The following RAB11FIP4 variants were observed in gnomAD, a reference collection of about 807,000 sequenced individuals.
RAB11FIP4 encodes RAB11 family interacting protein 4.
Under a neutral mutation model 74.3 loss-of-function variants are expected in RAB11FIP4, and 23 were observed. The ratio of observed to expected loss-of-function variants is 0.31; its 90% confidence interval spans 0.22 to 0.44. RAB11FIP4 has a LOEUF of 0.44. Ranked by LOEUF, RAB11FIP4 falls within the 20% of genes least tolerant of loss-of-function variation. RAB11FIP4 has a pLI of 1.00. For missense variants in RAB11FIP4, 630 were observed against 863.9 expected, an observed-to-expected ratio of 0.73 and a Z score of 3.39; for synonymous variants, 360 against 359.9, an observed-to-expected ratio of 1.00 and a Z score of 0.00.
intron 3 of RAB11FIP4, among the ~76,000 whole-genome samples, chr17:31,445,578 ATTTTTTTTTTTT>A (rs61393689): frequency 5.1e-3 from 83 of 16,210 alleles, no homozygotes; most frequent in African/African-American, 9.6e-3. Context: ...ATATATATAT[ATTTTTTTTTTTT>A]TTTTTTTTTT....
At chr17:31,415,223 C>T (rs1475055247) in intron 1 of RAB11FIP4, among the ~76,000 whole-genome samples, 2 of 152,236 alleles carry the variant, frequency 1.3e-5, no homozygotes, top group Non-Finnish European at 2.9e-5. Context: ...GGTTGAGTGG[C>T]CCCAGGCACC....
In RAB11FIP4 at chr17:31,517,707, C is replaced by T. The variant is rs1337484629; in HGVS notation, c.393C>T (p.Pro131=). The T allele has an allele frequency of 4.4e-6, 7 of 1,606,648 alleles. No homozygotes were observed. The highest frequency in any genetic ancestry group is 5.9e-6 in the Non-Finnish European group (7 of 1,177,272). The change falls in exon 4 of 15, where the codon CCC becomes CCT. Residue 131 remains proline, a synonymous_variant. Coordinates refer to ENST00000621161, the MANE Select transcript of RAB11FIP4 (RefSeq NM_032932.6). ...ATGGCGAGCTCATCCCCAGGGAACCCGGCTTTTTTCCCGAGGACGAGGAGG... is the reference window on the plus strand; with the variant it reads ...ATGGCGAGCTCATCCCCAGGGAACCTGGCTTTTTTCCCGAGGACGAGGAGG... ...FADGELIPRE[P]GFFPEDEEEA... is the part of the protein sequence containing the mutation.
rs79258582 is a variant in RAB11FIP4, at chr17:31,440,316, A to G, written c.336+6194A>G. On this transcript the variant is annotated intron_variant, in intron 3 of 14. Coordinates refer to ENST00000621161, the MANE Select transcript of RAB11FIP4 (RefSeq NM_032932.6). ...TGATTTGAAATTTTATCTTTATTGT[A>G]TGCTAACTTACCTTATATACGTAGG... Among the ~76,000 whole-genome samples, 165 of 152,248 alleles carry G rather than the reference A, an allele frequency of 1.1e-3. 4 individuals carry two copies. In the East Asian group the frequency reaches 0.031, roughly 28 times the overall value.
In RAB11FIP4 at chr17:31,391,818, G is replaced by A. The variant is rs1184680474; in HGVS notation, c.-35G>A. 2.0e-6 allele frequency: 2 copies of A among 986,446 alleles called. No homozygotes were observed. The highest frequency in any genetic ancestry group is 2.4e-6 in the Non-Finnish European group (2 of 831,908). 61.1% of individuals were successfully genotyped at this position (986,446 alleles called of 1,614,324 possible). A position where few individuals can be genotyped will look rare whatever the true frequency, so the allele number is the denominator to read the frequency against. ...GGCGGGCAGGCGGCGGGCGCGGCGG[G>A]CGAGGGGTCCGGGCTGAGCTGCGGG... On this transcript the variant is annotated 5_prime_UTR_variant, in exon 1 of 15. Transcript: ENST00000621161.
chr17:31,401,258 C>T lies in RAB11FIP4; in HGVS notation c.159+9247C>T, dbSNP rs544387184. 2.7e-5 allele frequency among the ~76,000 whole-genome samples: 4 copies of T among 148,010 alleles called. No homozygotes were observed. The South Asian group carries it at 8.8e-4, about 33-fold the overall frequency. ...CTGCACTCCAGCCTGGGCGACACAG[C>T]GAGACTCTGTCTAATTAAAAAAAAA... is the stretch of plus-strand genomic sequence containing the variant. On this transcript the variant is annotated intron_variant, in intron 1 of 14. Coordinates refer to ENST00000621161, the MANE Select transcript of RAB11FIP4 (RefSeq NM_032932.6).
intron 3 of RAB11FIP4, among the ~76,000 whole-genome samples, chr17:31,495,622 A>G (rs1051382163): frequency 6.6e-6 from 1 of 152,154 alleles, no homozygotes; most frequent in Admixed American, 6.5e-5. Flanking sequence ...TTGGCCTCCC[A>G]AAGTGCTGGA....
intron 3 of RAB11FIP4, among the ~76,000 whole-genome samples, chr17:31,508,697 C>A (rs1369391321): frequency 8.7e-6 from 1 of 115,602 alleles, no homozygotes; most frequent in South Asian, 3.2e-4. Context: ...GTCTTTAGAT[C>A]CCTTAGTACT....
intron 3 of RAB11FIP4, among the ~76,000 whole-genome samples, chr17:31,491,736 A>G (rs1483428441): frequency 6.6e-6 from 1 of 152,120 alleles, no homozygotes; most frequent in Non-Finnish European, 1.5e-5. Flanking sequence ...AGGAGAGGGG[A>G]CTGACAGTAC....
rs2071844162 is a variant in RAB11FIP4 at position 31,481,064 on chromosome 17, CTGAAAGAATGAAGGAATGAA to C, written c.337-36565_337-36546del. Among the ~76,000 whole-genome samples, 6 of 152,014 alleles carry C rather than the reference CTGAAAGAATGAAGGAATGAA, an allele frequency of 3.9e-5. No homozygotes were observed. The South Asian group carries it at 6.3e-4, about 16-fold the overall frequency. The stretch of plus-strand genomic sequence containing the variant: ...AATGAAGGAATTAATGAAGGAATGA[CTGAAAGAATGAAGGAATGAA>C]TGAAAGAATGAAGGAATGAATTAAA... On this transcript the variant is annotated intron_variant, in intron 3 of 14. Coordinates refer to ENST00000621161, the MANE Select transcript of RAB11FIP4 (RefSeq NM_032932.6).
intron 3 of RAB11FIP4, among the ~76,000 whole-genome samples, chr17:31,486,821 G>C (rs781444448): frequency 6.6e-6 from 1 of 152,082 alleles, no homozygotes; most frequent in South Asian, 2.1e-4. Flanking sequence ...AAAGTCCCCA[G>C]CAGTTCTGGG....
intron 3 of RAB11FIP4, among the ~76,000 whole-genome samples, chr17:31,484,107 G>A (rs1025488091): frequency 7.5e-6 from 1 of 133,690 alleles, no homozygotes; most frequent in Non-Finnish European, 1.5e-5. Context: ...GTCTTCCTCT[G>A]TCACCTAGGC....
intron 3 of RAB11FIP4, among the ~76,000 whole-genome samples, chr17:31,441,518 T>TTTTATTTATTTA (rs35484019): frequency 6.6e-6 from 1 of 150,970 alleles, no homozygotes; most frequent in Non-Finnish European, 1.5e-5. Context: ...ACTCTCCTTA[T>TTTTATTTATTTA]TTTATTTATT....
chr17:31,528,400 C>G lies in RAB11FIP4; in HGVS notation c.1357-6C>G. ...CTCCTCCCCTGATCGGGTCTCCCTGCTCCAGGAGCGGCAGCGCATGTCTGA... is the reference window on the plus strand; with the variant it reads ...CTCCTCCCCTGATCGGGTCTCCCTGGTCCAGGAGCGGCAGCGCATGTCTGA... On this transcript the variant is annotated splice_polypyrimidine_tract_variant and splice_region_variant and intron_variant, in intron 11 of 14. Coordinates refer to ENST00000621161, the MANE Select transcript of RAB11FIP4 (RefSeq NM_032932.6). The G allele has an allele frequency of 1.2e-6, 2 of 1,611,598 alleles. No homozygotes were observed. Among genetic ancestry groups the G allele is most frequent in the Non-Finnish European group, 1.7e-6 (2 of 1,179,594 alleles).
intron 7 of RAB11FIP4, chr17:31,522,790 C>T (rs760404452): frequency 1.4e-4 from 31 of 229,564 alleles, no homozygotes; most frequent in Non-Finnish European, 2.0e-4. Flanking sequence ...GCCATTGGGG[C>T]TGGTCACTTT....
At chr17:31,455,656 G>A (rs1212511774) in intron 3 of RAB11FIP4, among the ~76,000 whole-genome samples, 1 of 83,200 alleles carries the variant, frequency 1.2e-5, no homozygotes, top group Admixed American at 1.3e-4. Context: ...CTCTGATAAT[G>A]TGTTGATAAT....
chr17:31,499,276 GA>G (rs551812180), intron 3 of RAB11FIP4, among the ~76,000 whole-genome samples: 24 of 152,192 alleles, frequency 1.6e-4, no homozygotes, highest in Admixed American at 1.3e-4. Flanking sequence ...GGAGTAAAGA[GA>G]AAAACTGCAG....
chr17:31,408,023 T>C (rs1231010807), intron 1 of RAB11FIP4, among the ~76,000 whole-genome samples: 1 of 152,184 alleles, frequency 6.6e-6, no homozygotes, highest in Non-Finnish European at 1.5e-5. Flanking sequence ...AAAAATTCTT[T>C]CCTTCCACCC....
chr17:31,537,462 T>G lies in RAB11FIP4; in HGVS notation c.*5730T>G. 1 of 368,238 alleles carries G rather than the reference T, an allele frequency of 2.7e-6. No individual in the cohort carries two copies. The highest frequency in any genetic ancestry group is 2.1e-5 in the African/African-American group (1 of 48,144). 22.8% of individuals were successfully genotyped at this position (368,238 alleles called of 1,614,324 possible). A position where few individuals can be genotyped will look rare whatever the true frequency, so the allele number is the denominator to read the frequency against. On this transcript the variant is annotated 3_prime_UTR_variant, in exon 15 of 15. Coordinates refer to ENST00000621161, the MANE Select transcript of RAB11FIP4 (RefSeq NM_032932.6). ...CCTTGCATTCCAGAAAAGGGCAACT[T>G]TGTGTAAAGCAGCTTCTCCCACAGA... is the stretch of plus-strand genomic sequence containing the variant.
At chr17:31,471,491 C>G (rs564205370) in intron 3 of RAB11FIP4, among the ~76,000 whole-genome samples, 2 of 152,280 alleles carry the variant, frequency 1.3e-5, no homozygotes, top group South Asian at 4.1e-4. Context: ...TTACCCCAGC[C>G]AAGCCCCCAA....
Sources: allele counts gnomAD v4.1 joint callset (sites outside exome capture counted in the v4.1 genomes callset), GRCh38; gene constraint gnomAD v4.1.1; transcripts MANE v1.5; gene names NCBI Gene and HGNC (gene_info 2026-07-23, HGNC 2026-07-21).